KCNMB2: variants seen among roughly 807,000 people sequenced by gnomAD.
KCNMB2 encodes the protein potassium calcium-activated channel subfamily M regulatory beta subunit 2, also known as calcium-activated potassium channel subunit beta-2.
In KCNMB2, 9 loss-of-function variants were observed where a neutral mutation model predicts 24.5. That is an observed-to-expected ratio of 0.37 (90% confidence interval 0.22 to 0.64). The LOEUF is 0.64. Among genes scored for constraint, KCNMB2 ranks in the 30% least tolerant of loss-of-function variants. The probability of loss-of-function intolerance (pLI) is 0.63; values close to 1 mark genes in which losing one functional copy is unlikely to be tolerated. For synonymous variants in KCNMB2, 109 were observed against 104.4 expected (o/e 1.04, Z -0.27); for missense variants, 226 against 284.3 (o/e 0.79, Z 1.47).
chr3:178,595,316 AC>A (rs1429594350), intron 1 of KCNMB2, among the ~76,000 whole-genome samples: 2 of 152,060 alleles, frequency 1.3e-5, no homozygotes, highest in African/African-American at 4.8e-5. Flanking sequence ...GAAGTGATTT[AC>A]TTGAGCTGAT....
intron 1 of KCNMB2, among the ~76,000 whole-genome samples, chr3:178,660,379 C>T (rs1260252441): frequency 2.0e-5 from 3 of 152,010 alleles, no homozygotes; most frequent in Non-Finnish European, 4.4e-5. Flanking sequence ...TGAGATATTA[C>T]CATCAGGACT....
intron 1 of KCNMB2, among the ~76,000 whole-genome samples, chr3:178,548,809 C>T (rs974046653): frequency 1.1e-4 from 16 of 152,124 alleles, no homozygotes; most frequent in Non-Finnish European, 2.2e-4. Flanking sequence ...ATAAGTTTTC[C>T]TTTTTTACTT....
At position 178,842,941 on chromosome 3, in the gene KCNMB2, C is replaced by A; in HGVS notation, c.*4C>A. 1 of 1,587,236 alleles carries A rather than the reference C, an allele frequency of 6.3e-7. No individual in the cohort carries two copies. The highest frequency in any genetic ancestry group is 1.1e-5 in the South Asian group (1 of 88,066). On this transcript the variant is annotated 3_prime_UTR_variant, in exon 5 of 5. Transcript: ENST00000452583. ...GATCCAACGGATCAATAGATAAATG[C>A]AAAAATGGATAAAATAATTTTTGTT...
rs114366211 is a variant in KCNMB2, at chr3:178,638,849, A to C, written c.-68+102138A>C. ...TAGACTTCTTTCATACAAGCCTTTTAAAATAGCATTAGTCAATCATTTCCT... is the reference window on the plus strand; with the variant it reads ...TAGACTTCTTTCATACAAGCCTTTTCAAATAGCATTAGTCAATCATTTCCT... On this transcript the variant is annotated intron_variant, in intron 1 of 4. Coordinates refer to ENST00000452583, the MANE Select transcript of KCNMB2 (RefSeq NM_181361.3). Among the ~76,000 whole-genome samples, 1,212 of 152,350 alleles carry C rather than the reference A, an allele frequency of 8.0e-3. 16 individuals carry two copies. Among genetic ancestry groups the C allele is most frequent in the African/African-American group, 0.027 (1,132 of 41,588 alleles).
Position 178,750,163 on chromosome 3 carries a change from A to T in KCNMB2, c.-67-57180A>T, listed in dbSNP as rs374448507. Among the ~76,000 whole-genome samples the T allele has an allele frequency of 3.5e-4, 54 of 152,268 alleles. 1 individual carries two copies. In the South Asian group the frequency reaches 0.011, roughly 31 times the overall value. On this transcript the variant is annotated intron_variant, in intron 1 of 4. Transcript: ENST00000452583. ...AAAGAAGTCCAATGGGAATTAAAAT[A>T]ATCCACTTACTCTGCCAGTAAGATA...
chr3:178,567,416 G>A (rs572908626), intron 1 of KCNMB2, among the ~76,000 whole-genome samples: 112 of 152,232 alleles, frequency 7.4e-4, no homozygotes, highest in African/African-American at 2.5e-3. Flanking sequence ...GTGGCTTAGA[G>A]AAGGTATTCA....
chr3:178,574,934 G>C (rs1466803182), intron 1 of KCNMB2, among the ~76,000 whole-genome samples: 3 of 152,056 alleles, frequency 2.0e-5, no homozygotes. Context: ...CAGGCATGGT[G>C]GTGCATACCT....
chr3:178,653,774 A>C (rs1446563476), intron 1 of KCNMB2, among the ~76,000 whole-genome samples: 1 of 152,160 alleles, frequency 6.6e-6, no homozygotes, highest in African/African-American at 2.4e-5. Context: ...TTTTCATAAA[A>C]TATACTGTAA....
intron 1 of KCNMB2, among the ~76,000 whole-genome samples, chr3:178,659,453 T>C (rs543232071): frequency 1.3e-5 from 2 of 152,344 alleles, no homozygotes; most frequent in Non-Finnish European, 2.9e-5. Context: ...ATTAGTCAAC[T>C]TTGATGTCAA....
chr3:178,772,818 T>C (rs1039706680), intron 1 of KCNMB2, among the ~76,000 whole-genome samples: 3 of 152,354 alleles, frequency 2.0e-5, no homozygotes, highest in Admixed American at 1.3e-4. Context: ...CTTGTCTAAC[T>C]GATGGTAATT....
intron 1 of KCNMB2, among the ~76,000 whole-genome samples, chr3:178,603,885 C>T (rs1718182107): frequency 6.6e-6 from 1 of 152,108 alleles, no homozygotes; most frequent in Non-Finnish European, 1.5e-5. Flanking sequence ...GTGAAACTGA[C>T]ATTGCACATA....
chr3:178,576,480 C>A (rs1410124074), intron 1 of KCNMB2, among the ~76,000 whole-genome samples: 2 of 152,070 alleles, frequency 1.3e-5, no homozygotes, highest in East Asian at 3.9e-4. Flanking sequence ...GCCTGGAAAA[C>A]CAGCAAGACA....
rs141224637 is a variant in KCNMB2, at chr3:178,621,677, G to A, written c.-68+84966G>A. Among the ~76,000 whole-genome samples, 1,197 of 152,078 alleles carry A rather than the reference G, an allele frequency of 7.9e-3. 16 individuals carry two copies. Among genetic ancestry groups the A allele is most frequent in the African/African-American group, 0.028 (1,147 of 41,448 alleles). ...AAAATAATATTTACTATGCATTTGT[G>A]AGATAAATTACTCTGTTAAGTTTTC... On this transcript the variant is annotated intron_variant, in intron 1 of 4. Coordinates refer to ENST00000452583, the MANE Select transcript of KCNMB2 (RefSeq NM_181361.3).
intron 1 of KCNMB2, among the ~76,000 whole-genome samples, chr3:178,671,839 A>ATTGT (rs1308808012): frequency 6.6e-6 from 1 of 152,188 alleles, no homozygotes; most frequent in East Asian, 1.9e-4. Flanking sequence ...CATGTAATAC[A>ATTGT]ATAATGTAAT....
At chr3:178,757,984 GAT>G (rs779750681) in intron 1 of KCNMB2, among the ~76,000 whole-genome samples, 37,091 of 45,932 alleles carry the variant, frequency 0.81, 15,989 homozygotes, top group East Asian at 0.97. Context: ...GACACAAGAG[GAT>G]ATATATATAT....
In KCNMB2 at chr3:178,782,641, T is replaced by A. The variant is rs2108433000; in HGVS notation, c.-67-24702T>A. ...TTGCCCACTTTTTGATGGGGTTGTT[T>A]GTTTTTTTCTTGTAAATTTGTTTGA... On this transcript the variant is annotated intron_variant, in intron 1 of 4. Coordinates refer to ENST00000452583, the MANE Select transcript of KCNMB2 (RefSeq NM_181361.3). Among the ~76,000 whole-genome samples the A allele has an allele frequency of 2.7e-5, 4 of 148,532 alleles. No individual in the cohort carries two copies. The East Asian group carries it at 8.0e-4, about 30-fold the overall frequency.
At chr3:178,603,494 CA>C (rs1718166159) in intron 1 of KCNMB2, among the ~76,000 whole-genome samples, 1 of 151,200 alleles carries the variant, frequency 6.6e-6, no homozygotes, top group African/African-American at 2.4e-5. Flanking sequence ...AAGAAATGGG[CA>C]AAGGAAGGAA....
intron 1 of KCNMB2, among the ~76,000 whole-genome samples, chr3:178,567,549 A>G (rs1716570378): frequency 6.6e-6 from 1 of 152,144 alleles, no homozygotes. Flanking sequence ...GAAATGGAGG[A>G]CACATTTTGC....
chr3:178,609,582 A>G (rs1299844567), intron 1 of KCNMB2, among the ~76,000 whole-genome samples: 3 of 151,606 alleles, frequency 2.0e-5, no homozygotes, highest in Non-Finnish European at 4.4e-5. Flanking sequence ...ATTTTCTCCA[A>G]TGTTTACTTG....
Sources: allele counts gnomAD v4.1 joint callset (sites outside exome capture counted in the v4.1 genomes callset), GRCh38; gene constraint gnomAD v4.1.1; transcripts MANE v1.5; gene names NCBI Gene and HGNC (gene_info 2026-07-23, HGNC 2026-07-21).